SDR42E1: variants seen among roughly 807,000 people sequenced by gnomAD.
SDR42E1 encodes short-chain dehydrogenase/reductase family 42E member 1.
In SDR42E1, 5 loss-of-function variants were observed where a neutral mutation model predicts 2.6. The observed-to-expected ratio is 1.94, with a 90% CI of 1.01 to 4.08. The LOEUF is 4.08. Ranked by LOEUF, SDR42E1 falls within the 30% of genes most tolerant of loss-of-function variation. SDR42E1 has a pLI of 0.00. For missense variants in SDR42E1, 596 were observed against 478.6 expected, an observed-to-expected ratio of 1.25 and a Z score of -2.29; for synonymous variants, 231 against 188.3, an observed-to-expected ratio of 1.23 and a Z score of -1.86.
rs1912694759 is a variant in SDR42E1, at chr16:81,999,986, T to C, written c.307A>G (p.Thr103Ala). 6.2e-7 allele frequency: 1 copy of C among 1,614,088 alleles called. No individual in the cohort carries two copies. The highest frequency in any genetic ancestry group is 8.5e-7 in the Non-Finnish European group (1 of 1,180,038). ...TGGCAAACCTGGAGGATGTTGTCTG[T>C]GCCCCTGACGTTGACTTCTTTGATC... Reference protein sequence around the residue: ...NLIKEVNVRGTDNILQVCQRR... With the variant: ...NLIKEVNVRGADNILQVCQRR... Residue 103 changes from threonine to alanine, a missense_variant, in exon 3 of 3, where the codon ACA becomes GCA. By Grantham distance (58) the Thr-to-Ala change is moderately conservative. Transcript: ENST00000328945.
chr16:82,010,877 C>T (rs1370240655), intron 1 of SDR42E1, among the ~76,000 whole-genome samples: 1 of 152,218 alleles, frequency 6.6e-6, no homozygotes, highest in African/African-American at 2.4e-5. Flanking sequence ...TTTCAGGGCT[C>T]ACTCCACCTC....
rs1201622237 is a variant in SDR42E1 at position 81,999,740 on chromosome 16, G to A, written c.553C>T (p.Pro185Ser). Residue 185 changes from proline (P) to serine (S), a missense_variant, in exon 3 of 3, where the codon CCA becomes TCA. Pro to Ser is a moderately conservative substitution (Grantham distance 74). Coordinates refer to ENST00000328945, the MANE Select transcript of SDR42E1 (RefSeq NM_145168.3). ...DGVLRTCALR[P>S]AGIYGPGEQR... The stretch of plus-strand genomic sequence containing the variant: ...TCTCCAGGCCCATAGATGCCAGCTG[G>A]CCTCAGAGCGCAGGTTCTTAAGACA... The A allele has an allele frequency of 1.9e-6, 3 of 1,614,186 alleles. No homozygotes were observed. Among genetic ancestry groups the A allele is most frequent in the African/African-American group, 2.7e-5 (2 of 75,048 alleles).
At position 81,988,947 on chromosome 16, in the gene SDR42E1, G is replaced by C. The variant is rs1597170052; in HGVS notation, c.*10164C>G. On this transcript the variant is annotated 3_prime_UTR_variant, in exon 3 of 3. Coordinates refer to ENST00000328945, the MANE Select transcript of SDR42E1 (RefSeq NM_145168.3). ...GGATTTTCTACTATATTCTATTCTAGTACAAAATGAGATTTTTTCCCCTCA... is the reference window on the plus strand; with the variant it reads ...GGATTTTCTACTATATTCTATTCTACTACAAAATGAGATTTTTTCCCCTCA... The C allele has an allele frequency of 6.6e-6, 1 of 152,200 alleles. No individual in the cohort carries two copies. 9.4% of individuals were successfully genotyped at this position (152,200 alleles called of 1,614,324 possible).
At chr16:82,002,727 G>C (rs1259233540) in intron 1 of SDR42E1, among the ~76,000 whole-genome samples, 1 of 152,140 alleles carries the variant, frequency 6.6e-6, no homozygotes, top group African/African-American at 2.4e-5. Flanking sequence ...TGTGATTTTG[G>C]ACTGTGTGTT....
chr16:82,008,747 G>A (rs963929965), intron 1 of SDR42E1, among the ~76,000 whole-genome samples: 15 of 152,226 alleles, frequency 9.9e-5, no homozygotes, highest in African/African-American at 3.6e-4. Flanking sequence ...TTTCTGGGGA[G>A]AAATTCAAGC....
chr16:82,008,486 G>A (rs1393681581), intron 1 of SDR42E1, among the ~76,000 whole-genome samples: 1 of 152,234 alleles, frequency 6.6e-6, no homozygotes, highest in South Asian at 2.1e-4. Flanking sequence ...AGACAATAAA[G>A]TCCAGGCTGA....
rs2143873324 is a variant in SDR42E1 at position 82,011,430 on chromosome 16, G to C, written c.-70C>G. ...GCGGCAGACGGCTACAGCAGGCAGA[G>C]AGGCCCAGGCCTCCTAGCTACCCAT... is the stretch of plus-strand genomic sequence containing the variant. On this transcript the variant is annotated 5_prime_UTR_variant, in exon 1 of 3. Transcript: ENST00000328945. The C allele has an allele frequency of 6.5e-6, 1 of 152,684 alleles. No homozygotes were observed. Among genetic ancestry groups the C allele is most frequent in the Non-Finnish European group, 1.5e-5 (1 of 68,334 alleles). The allele number at this position is 152,684 out of a possible 1,614,324, so 9.5% of individuals were successfully genotyped here.
chr16:81,991,067 G>A lies in SDR42E1; in HGVS notation c.*8044C>T, dbSNP rs1912417261. 6.6e-6 allele frequency: 1 copy of A among 152,214 alleles called. No individual in the cohort carries two copies. Among genetic ancestry groups the A allele is most frequent in the African/African-American group, 2.4e-5 (1 of 41,460 alleles). 9.4% of individuals were successfully genotyped at this position (152,214 alleles called of 1,614,324 possible). A position where few individuals can be genotyped will look rare whatever the true frequency, so the allele number is the denominator to read the frequency against. On this transcript the variant is annotated 3_prime_UTR_variant, in exon 3 of 3. Coordinates refer to ENST00000328945, the MANE Select transcript of SDR42E1 (RefSeq NM_145168.3). Reference sequence around the variant, plus strand: ...TCTCAAGATACTGATTTAGAGGAGAGACTAGGACATGTGCAATGTGACCAA... The same window carrying A: ...TCTCAAGATACTGATTTAGAGGAGAAACTAGGACATGTGCAATGTGACCAA...
chr16:81,998,963 A>G lies in SDR42E1; in HGVS notation c.*148T>C. 1.3e-6 allele frequency: 1 copy of G among 770,868 alleles called. No individual in the cohort carries two copies. Among genetic ancestry groups the G allele is most frequent in the Non-Finnish European group, 2.0e-6 (1 of 492,530 alleles). The allele number at this position is 770,868 out of a possible 1,614,324, so 47.8% of individuals were successfully genotyped here. On this transcript the variant is annotated 3_prime_UTR_variant, in exon 3 of 3. Coordinates refer to ENST00000328945, the MANE Select transcript of SDR42E1 (RefSeq NM_145168.3). ...ATCTGGATTAGTGCAAGGAAATAAGACATAAAGATTCAATCCAAGAACCTA... is the reference window on the plus strand; with the variant it reads ...ATCTGGATTAGTGCAAGGAAATAAGGCATAAAGATTCAATCCAAGAACCTA...
At chr16:82,009,814 G>C (rs1370035730) in intron 1 of SDR42E1, among the ~76,000 whole-genome samples, 1 of 152,202 alleles carries the variant, frequency 6.6e-6, no homozygotes, top group African/African-American at 2.4e-5. Flanking sequence ...GCCAGGGGCG[G>C]AATGATATGG....
rs1354731310 is a variant in SDR42E1, at chr16:82,001,850, G to A, written c.-26-966C>T. Among the ~76,000 whole-genome samples the A allele has an allele frequency of 6.8e-5, 10 of 146,290 alleles. No homozygotes were observed. The East Asian group carries it at 8.3e-4, about 12-fold the overall frequency. ...CCAGGAGGCGTAGCTGGCAATGAGC[G>A]AAGATCGCGCCACTGCACTCTAGCC... On this transcript the variant is annotated intron_variant, in intron 1 of 2. Transcript: ENST00000328945.
rs1467128672 is a variant in SDR42E1, at chr16:81,990,691, A to G, written c.*8420T>C. 1 of 152,226 alleles carries G rather than the reference A, an allele frequency of 6.6e-6. No homozygotes were observed. Among genetic ancestry groups the G allele is most frequent in the Non-Finnish European group, 1.5e-5 (1 of 68,048 alleles). 9.4% of individuals were successfully genotyped at this position (152,226 alleles called of 1,614,324 possible). On this transcript the variant is annotated 3_prime_UTR_variant, in exon 3 of 3. Transcript: ENST00000328945. Reference sequence around the variant, plus strand: ...AGATGAGAGGCATTTGCTCAAAGTCACATTGCAAATAAGAGATGGCTCCAG... The same window carrying G: ...AGATGAGAGGCATTTGCTCAAAGTCGCATTGCAAATAAGAGATGGCTCCAG...
In SDR42E1 at chr16:82,000,891, A is replaced by T; in HGVS notation, c.-26-7T>A. ...AGTCAAAAGATAACTGGACCTGAAGAAAGAAGTATGCATCACTGTTACTGA... is the reference window on the plus strand; with the variant it reads ...AGTCAAAAGATAACTGGACCTGAAGTAAGAAGTATGCATCACTGTTACTGA... On this transcript the variant is annotated splice_region_variant and splice_polypyrimidine_tract_variant and intron_variant, in intron 1 of 2. Coordinates refer to ENST00000328945, the MANE Select transcript of SDR42E1 (RefSeq NM_145168.3). 1 of 1,567,428 alleles carries T rather than the reference A, an allele frequency of 6.4e-7. No homozygotes were observed. The highest frequency in any genetic ancestry group is 8.8e-7 in the Non-Finnish European group (1 of 1,140,662).
At chr16:82,011,361 C>T (rs1913120659) in intron 1 of SDR42E1, 26 bp downstream of exon 1, 1 of 152,494 alleles carries the variant, frequency 6.6e-6, no homozygotes, top group Non-Finnish European at 1.5e-5. Context: ...GCGGCGGCCC[C>T]CCAACCCCAG....
chr16:81,996,719 G>C lies in SDR42E1; in HGVS notation c.*2392C>G, dbSNP rs577621825. The stretch of plus-strand genomic sequence containing the variant: ...TGGTATTAGAACAGGGCCAAGGAAT[G>C]AGCACTGAGAAAATCTACCATTTCA... On this transcript the variant is annotated 3_prime_UTR_variant, in exon 3 of 3. Transcript: ENST00000328945. 1.3e-5 allele frequency: 2 copies of C among 152,224 alleles called. No homozygotes were observed. Among genetic ancestry groups the C allele is most frequent in the South Asian group, 4.2e-4 (2 of 4,810 alleles). 9.4% of individuals were successfully genotyped at this position (152,224 alleles called of 1,614,324 possible).
chr16:81,991,312 T>G lies in SDR42E1; in HGVS notation c.*7799A>C, dbSNP rs1009192274. The G allele has an allele frequency of 2.6e-5, 4 of 152,252 alleles. No individual in the cohort carries two copies. Among genetic ancestry groups the G allele is most frequent in the African/African-American group, 9.6e-5 (4 of 41,470 alleles). The allele number at this position is 152,252 out of a possible 1,614,324, so 9.4% of individuals were successfully genotyped here. On this transcript the variant is annotated 3_prime_UTR_variant, in exon 3 of 3. Coordinates refer to ENST00000328945, the MANE Select transcript of SDR42E1 (RefSeq NM_145168.3). ...AGTTTGTGTAGCAGAAGTCACTATT[T>G]ACAGTTACTCATTTTTTGTAACAAA... is the stretch of plus-strand genomic sequence containing the variant.
In SDR42E1 at chr16:81,998,951, C is replaced by G. The variant is rs1406058120; in HGVS notation, c.*160G>C. 1.4e-6 allele frequency: 1 copy of G among 731,876 alleles called. No homozygotes were observed. The highest frequency in any genetic ancestry group is 1.8e-5 in the African/African-American group (1 of 56,360). 45.3% of individuals were successfully genotyped at this position (731,876 alleles called of 1,614,324 possible). A position where few individuals can be genotyped will look rare whatever the true frequency, so the allele number is the denominator to read the frequency against. Reference sequence around the variant, plus strand: ...TTTTTCATTCCCATCTGGATTAGTGCAAGGAAATAAGACATAAAGATTCAA... The same window carrying G: ...TTTTTCATTCCCATCTGGATTAGTGGAAGGAAATAAGACATAAAGATTCAA... On this transcript the variant is annotated 3_prime_UTR_variant, in exon 3 of 3. Transcript: ENST00000328945.
Position 81,996,814 on chromosome 16 carries a change from T to G in SDR42E1, c.*2297A>C, listed in dbSNP as rs141069470. ...AGGAATGTGGTAGCCAGGTTCCACG[T>G]TGGCCTCCAATGACACCACCTCCTG... On this transcript the variant is annotated 3_prime_UTR_variant, in exon 3 of 3. Transcript: ENST00000328945. The G allele has an allele frequency of 1.3e-5, 2 of 152,198 alleles. No individual in the cohort carries two copies. The highest frequency in any genetic ancestry group is 6.5e-5 in the Admixed American group (1 of 15,284). The allele number at this position is 152,198 out of a possible 1,614,324, so 9.4% of individuals were successfully genotyped here. A position where few individuals can be genotyped will look rare whatever the true frequency, so the allele number is the denominator to read the frequency against.
chr16:82,009,782 G>T (rs1808179622), intron 1 of SDR42E1, among the ~76,000 whole-genome samples: 1 of 152,216 alleles, frequency 6.6e-6, no homozygotes, highest in African/African-American at 2.4e-5. Flanking sequence ...TTTGAAATGT[G>T]AGGGCATGAG....
Sources: allele counts gnomAD v4.1 joint callset (sites outside exome capture counted in the v4.1 genomes callset), GRCh38; gene constraint gnomAD v4.1.1; transcripts MANE v1.5; gene names NCBI Gene and HGNC (gene_info 2026-07-23, HGNC 2026-07-21).